Variants in RGS17 observed in about 807,000 individuals in gnomAD.
The protein encoded by RGS17 is regulator of G protein signaling 17.
RGS17 carries 12 observed loss-of-function variants against 25.5 expected under a neutral mutation model. The ratio of observed to expected loss-of-function variants is 0.47; its 90% confidence interval spans 0.30 to 0.76. The LOEUF is 0.76. Ranked by LOEUF, RGS17 falls within the 30% of genes least tolerant of loss-of-function variation. The pLI is 0.07. For synonymous variants in RGS17, 71 were observed against 76.9 expected (o/e 0.92, Z 0.40); for missense variants, 196 against 242.2 (o/e 0.81, Z 1.27).
At chr6:153,058,135 T>C (rs902684905) in intron 1 of RGS17, among the ~76,000 whole-genome samples, 1 of 152,228 alleles carries the variant, frequency 6.6e-6, no homozygotes, top group African/African-American at 2.4e-5. Context: ...CATAAATACT[T>C]GGAACAAATC....
chr6:153,105,178 G>C (rs973816024), intron 1 of RGS17, among the ~76,000 whole-genome samples: 2 of 152,134 alleles, frequency 1.3e-5, no homozygotes, highest in Non-Finnish European at 1.5e-5. Context: ...TCAGAACCCA[G>C]TCAGGTTCAA....
chr6:153,080,989 A>G (rs1776970815), intron 1 of RGS17, among the ~76,000 whole-genome samples: 2 of 152,038 alleles, frequency 1.3e-5, no homozygotes, highest in South Asian at 4.1e-4. Flanking sequence ...TTAAATTTAG[A>G]TTTTTTTAAA....
Position 153,024,281 on chromosome 6 carries a change from G to C in RGS17, c.425C>G (p.Ser142Cys). ...TTTTACCTCTTTTGGTGATAGTATA[G>C]AAATGTAATCTTCATATATCATCCT... is the stretch of plus-strand genomic sequence containing the variant. Reference protein sequence around the residue: ...KARMIYEDYISILSPKEVSLD... With the variant: ...KARMIYEDYICILSPKEVSLD... Residue 142 changes from serine (S) to cysteine (C), a missense_variant, in exon 4 of 5, where the codon TCT (serine) becomes TGT (cysteine). Transcript: ENST00000206262. 6.2e-7 allele frequency: 1 copy of C among 1,609,434 alleles called. No homozygotes were observed. The highest frequency in any genetic ancestry group is 1.1e-5 in the South Asian group (1 of 90,790).
intron 2 of RGS17, among the ~76,000 whole-genome samples, chr6:153,042,345 C>A (rs949352836): frequency 6.6e-6 from 1 of 152,178 alleles, no homozygotes; most frequent in African/African-American, 2.4e-5. Flanking sequence ...GGGAAGGACG[C>A]GGTGGCAGGT....
chr6:153,041,181 T>C lies in RGS17; in HGVS notation c.119+2719A>G, dbSNP rs901931955. Reference sequence around the variant, plus strand: ...TTTGTCTCAAATACAAATAAATAAATAAATAATAATCAAGTGGTTTATAAT... The same window carrying C: ...TTTGTCTCAAATACAAATAAATAAACAAATAATAATCAAGTGGTTTATAAT... On this transcript the variant is annotated intron_variant, in intron 2 of 4. Coordinates refer to ENST00000206262, the MANE Select transcript of RGS17 (RefSeq NM_012419.5). Among the ~76,000 whole-genome samples, 32 of 151,964 alleles carry C rather than the reference T, an allele frequency of 2.1e-4. 2 individuals are homozygous for C.
At chr6:153,076,323 A>G in intron 1 of RGS17, among the ~76,000 whole-genome samples, 1 of 152,130 alleles carries the variant, frequency 6.6e-6, no homozygotes, top group Non-Finnish European at 1.5e-5. Context: ...TTATGAACCA[A>G]TATTATCAAC....
chr6:153,060,122 G>T (rs1015641949), intron 1 of RGS17, among the ~76,000 whole-genome samples: 8 of 128,542 alleles, frequency 6.2e-5, no homozygotes, highest in African/African-American at 2.5e-4. Flanking sequence ...TTGGTGTGCA[G>T]GGGAAGTCTG....
At chr6:153,120,360 C>G (rs1296310379) in intron 1 of RGS17, among the ~76,000 whole-genome samples, 1 of 152,210 alleles carries the variant, frequency 6.6e-6, no homozygotes, top group Non-Finnish European at 1.5e-5. Flanking sequence ...CCTTATTTCC[C>G]AGACTCATAG....
At chr6:153,095,474 T>A (rs964146614) in intron 1 of RGS17, among the ~76,000 whole-genome samples, 1 of 152,186 alleles carries the variant, frequency 6.6e-6, no homozygotes, top group South Asian at 2.1e-4. Context: ...TGAAATTAAA[T>A]ACCAGGTGTA....
intron 1 of RGS17, among the ~76,000 whole-genome samples, chr6:153,047,268 A>C (rs1190428835): frequency 1.3e-5 from 2 of 152,206 alleles, no homozygotes; most frequent in Admixed American, 1.3e-4. Flanking sequence ...GAAATTGGTA[A>C]AATAGGATGC....
rs116299463 is a variant in RGS17, at chr6:153,042,145, T to G, written c.119+1755A>C. Among the ~76,000 whole-genome samples the G allele has an allele frequency of 5.5e-3, 831 of 152,332 alleles. 7 individuals are homozygous for G. Among genetic ancestry groups the G allele is most frequent in the African/African-American group, 0.019 (792 of 41,568 alleles). On this transcript the variant is annotated intron_variant, in intron 2 of 4. Transcript: ENST00000206262. ...TAAGACCAGAGCTAGATAATCTCTT[T>G]AGGCATGACACAGAAAAAGATTACA...
chr6:153,055,371 A>G (rs1322642884), intron 1 of RGS17, among the ~76,000 whole-genome samples: 1 of 152,228 alleles, frequency 6.6e-6, no homozygotes, highest in African/African-American at 2.4e-5. Context: ...AAAATGAAGC[A>G]TAACTATGGA....
intron 2 of RGS17, 53 bp from the exon 3 acceptor site, chr6:153,026,596 G>T (rs1007716721): frequency 2.9e-6 from 4 of 1,388,442 alleles, no homozygotes; most frequent in Non-Finnish European, 3.1e-6. Context: ...ATCAGTTGAA[G>T]AAAAGAATAA....
intron 1 of RGS17, among the ~76,000 whole-genome samples, chr6:153,053,188 T>C (rs1008077773): frequency 2.6e-5 from 4 of 152,236 alleles, no homozygotes; most frequent in African/African-American, 9.6e-5. Flanking sequence ...TGTTAATATA[T>C]AAAACAGCTC....
At chr6:153,038,234 C>T (rs1397083402) in intron 2 of RGS17, among the ~76,000 whole-genome samples, 6 of 152,330 alleles carry the variant, frequency 3.9e-5, no homozygotes, top group Middle Eastern at 3.4e-3. Context: ...TTCCTCCTGG[C>T]TTCTTGGGAC....
At chr6:153,085,865 A>T (rs1477402950) in intron 1 of RGS17, among the ~76,000 whole-genome samples, 2 of 152,194 alleles carry the variant, frequency 1.3e-5, no homozygotes, top group Non-Finnish European at 2.9e-5. Flanking sequence ...TACCATGCAG[A>T]TTTAAATGAC....
intron 4 of RGS17, among the ~76,000 whole-genome samples, chr6:153,020,138 A>AT (rs35590788): frequency 1.3e-4 from 5 of 39,286 alleles, no homozygotes; most frequent in Non-Finnish European, 1.6e-4. Context: ...ATATATATAT[A>AT]TTTTTTTTTT....
At chr6:153,094,114 C>T (rs1016050076) in intron 1 of RGS17, among the ~76,000 whole-genome samples, 8 of 150,080 alleles carry the variant, frequency 5.3e-5, no homozygotes, top group African/African-American at 1.5e-4. Flanking sequence ...CTCATTCTGT[C>T]GCCCAGGCTG....
intron 1 of RGS17, among the ~76,000 whole-genome samples, chr6:153,099,051 G>T (rs1223922645): frequency 6.6e-6 from 1 of 152,038 alleles, no homozygotes; most frequent in African/African-American, 2.4e-5. Flanking sequence ...CCCTTTTCAC[G>T]TTCTAAAATG....
Sources: gnomAD v4.1 joint callset for allele counts (sites outside exome capture counted in the v4.1 genomes callset) on GRCh38, gnomAD v4.1.1 for gene constraint, MANE v1.5 for transcripts, NCBI Gene and HGNC (gene_info 2026-07-23, HGNC 2026-07-21) for gene names.